SLC35F3: variants seen among roughly 807,000 people sequenced by gnomAD.
SLC35F3 encodes the protein solute carrier family 35 member F3, also known as putative thiamine transporter SLC35F3.
In SLC35F3, 25 loss-of-function variants were observed where a neutral mutation model predicts 49.9. That is an observed-to-expected ratio of 0.50 (90% CI 0.37 to 0.70). The LOEUF (loss-of-function observed/expected upper bound fraction) is 0.70. Ranked by LOEUF, SLC35F3 falls within the 30% of genes least tolerant of loss-of-function variation. The pLI, the probability that SLC35F3 is intolerant of heterozygous loss-of-function variation, is 0.00. For synonymous variants in SLC35F3, 275 were observed against 265.4 expected (o/e 1.04, Z -0.35); for missense variants, 525 against 639.8 (o/e 0.82, Z 1.94).
chr1:233,927,643 T>A (rs1330720469), intron 2 of SLC35F3, among the ~76,000 whole-genome samples: 4 of 152,084 alleles, frequency 2.6e-5, no homozygotes, highest in African/African-American at 9.7e-5. Context: ...TCAGAAGACA[T>A]TTTTGAACAC....
At chr1:234,031,221 C>T (rs192865898) in intron 2 of SLC35F3, among the ~76,000 whole-genome samples, 7 of 152,100 alleles carry the variant, frequency 4.6e-5, no homozygotes, top group Admixed American at 2.6e-4. Flanking sequence ...ATTCCACTCA[C>T]GTTCTCAATC....
chr1:234,222,634 C>A (rs1016134917), intron 2 of SLC35F3, among the ~76,000 whole-genome samples: 2 of 152,192 alleles, frequency 1.3e-5, no homozygotes, highest in African/African-American at 2.4e-5. Flanking sequence ...TGTCCCTCTT[C>A]CTCAAGAGCC....
chr1:233,939,288 CA>C (rs367635730), intron 2 of SLC35F3, among the ~76,000 whole-genome samples: 1 of 151,712 alleles, frequency 6.6e-6, no homozygotes, highest in Non-Finnish European at 1.5e-5. Context: ...CCTGTCTGTG[CA>C]AAAAAAATTT....
chr1:234,002,911 G>T lies in SLC35F3; in HGVS notation c.283+97153G>T, dbSNP rs1386452053. Among the ~76,000 whole-genome samples the T allele has an allele frequency of 2.0e-5, 3 of 152,000 alleles. No individual in the cohort carries two copies. In the South Asian group the frequency reaches 6.2e-4, roughly 32 times the overall value. On this transcript the variant is annotated intron_variant, in intron 2 of 7. Coordinates refer to ENST00000366618, the MANE Select transcript of SLC35F3 (RefSeq NM_173508.4). ...ACAACCTGACACTATTTATTTTCTT[G>T]TTTGCATTGTTCTGGATGTGCCTAC...
chr1:233,918,814 C>CTA (rs1274217735), intron 2 of SLC35F3, among the ~76,000 whole-genome samples: 14 of 60,096 alleles, frequency 2.3e-4, no homozygotes, highest in South Asian at 1.5e-3. Context: ...CTCTCTCTCT[C>CTA]TCTATATATA....
intron 3 of SLC35F3, among the ~76,000 whole-genome samples, chr1:234,249,514 TCATC>T (rs1667702509): frequency 6.6e-6 from 1 of 152,212 alleles, no homozygotes. Flanking sequence ...TTGCCCACCT[TCATC>T]CAAGTACCAA....
At chr1:234,291,461 G>A (rs1214860945) in intron 3 of SLC35F3, among the ~76,000 whole-genome samples, 2 of 152,150 alleles carry the variant, frequency 1.3e-5, no homozygotes, top group African/African-American at 2.4e-5. Flanking sequence ...GCACAGAGCT[G>A]CACTAGAGGA....
At chr1:234,003,987 T>C (rs1037096547) in intron 2 of SLC35F3, among the ~76,000 whole-genome samples, 8 of 152,134 alleles carry the variant, frequency 5.3e-5, no homozygotes, top group African/African-American at 1.2e-4. Flanking sequence ...GCAATACTTA[T>C]ATATGACTGA....
At chr1:234,181,339 A>G (rs1572084346) in intron 2 of SLC35F3, among the ~76,000 whole-genome samples, 5 of 16,164 alleles carry the variant, frequency 3.1e-4, no homozygotes, top group South Asian at 1.9e-3. Flanking sequence ...CTGTCTCAAG[A>G]AAAAAAAAAA....
In SLC35F3 at chr1:233,957,518, A is replaced by G. The variant is rs1218386172; in HGVS notation, c.283+51760A>G. 5.3e-5 allele frequency among the ~76,000 whole-genome samples: 8 copies of G among 152,188 alleles called. No homozygotes were observed. The highest frequency in any genetic ancestry group is 1.0e-4 in the Non-Finnish European group (7 of 68,022). ...CATAATTACATCAAAATTTAGTGGC[A>G]TAAATACAATAACTGGCTGTGTGTG... On this transcript the variant is annotated intron_variant, in intron 2 of 7. Coordinates refer to ENST00000366618, the MANE Select transcript of SLC35F3 (RefSeq NM_173508.4). This position sits in a 1 kb window ranked among gnomAD's most constrained non-coding sequence, Gnocchi z 4.0.
chr1:234,152,204 G>A (rs945655490), intron 2 of SLC35F3, among the ~76,000 whole-genome samples: 3 of 141,152 alleles, frequency 2.1e-5, no homozygotes, highest in Non-Finnish European at 4.5e-5. Flanking sequence ...AAAAGAAAAT[G>A]GAGTAACATT....
chr1:234,169,789 T>A (rs1156938458), intron 2 of SLC35F3, among the ~76,000 whole-genome samples: 1 of 152,060 alleles, frequency 6.6e-6, no homozygotes, highest in Non-Finnish European at 1.5e-5. Flanking sequence ...TGTTTTTGAG[T>A]TGGAGTCTCA....
chr1:233,940,093 A>G (rs1662396467), intron 2 of SLC35F3, among the ~76,000 whole-genome samples: 1 of 152,192 alleles, frequency 6.6e-6, no homozygotes, highest in Non-Finnish European at 1.5e-5. Context: ...ACTCAGTCAC[A>G]TACATTCACA....
In SLC35F3 at chr1:234,214,669, C is replaced by A. The variant is rs1395161931; in HGVS notation, c.284-16748C>A. ...GCTGTCTGGCTGCGGGGCGCCGGGG[C>A]TGGGGGTACTGCTCCCCCAGGACGC... On this transcript the variant is annotated intron_variant, in intron 2 of 7. Transcript: ENST00000366618. This position sits in a 1 kb window ranked among gnomAD's most constrained non-coding sequence, Gnocchi z 8.0. 1 of 1,413,778 alleles carries A rather than the reference C, an allele frequency of 7.1e-7. No individual in the cohort carries two copies. The highest frequency in any genetic ancestry group is 2.8e-5 in the Admixed American group (1 of 35,892). 87.6% of individuals were successfully genotyped at this position (1,413,778 alleles called of 1,614,324 possible). A position where few individuals can be genotyped will look rare whatever the true frequency, so the allele number is the denominator to read the frequency against.
chr1:234,115,893 T>C (rs10910342), intron 2 of SLC35F3, among the ~76,000 whole-genome samples: 94,313 of 151,992 alleles, frequency 0.62, 29,972 homozygotes, highest in East Asian at 0.83. Context: ...AACAGAAACC[T>C]GCAGGAACAA....
intron 2 of SLC35F3, among the ~76,000 whole-genome samples, chr1:234,019,021 A>C (rs1663851062): frequency 6.6e-6 from 1 of 152,236 alleles, no homozygotes; most frequent in African/African-American, 2.4e-5. Flanking sequence ...GGCCAGGCAC[A>C]TGTCCCAACC....
At chr1:234,081,076 C>T (rs890721523) in intron 2 of SLC35F3, among the ~76,000 whole-genome samples, 4 of 152,196 alleles carry the variant, frequency 2.6e-5, no homozygotes, top group African/African-American at 7.2e-5. Context: ...TTCCTACTGC[C>T]ATATATTCAA....
intron 3 of SLC35F3, among the ~76,000 whole-genome samples, chr1:234,266,484 A>T (rs1191088368): frequency 1.3e-5 from 2 of 152,214 alleles, no homozygotes; most frequent in East Asian, 3.8e-4. Context: ...TAGAAGGATA[A>T]ATATTTACTA....
rs183856741 is a variant in SLC35F3, at chr1:234,124,854, A to G, written c.284-106563A>G. Among the ~76,000 whole-genome samples, 615 of 102,754 alleles carry G rather than the reference A, an allele frequency of 6.0e-3. 7 individuals carry two copies. The highest frequency in any genetic ancestry group is 0.016 in the African/African-American group (578 of 36,714). The allele number at this position is 102,754 out of a possible 152,430, so 67.4% of individuals were successfully genotyped here. On this transcript the variant is annotated intron_variant, in intron 2 of 7. Transcript: ENST00000366618. ...GAAAGACTCCATCTCTTTAAAAACA[A>G]GAGAGAAATTGTGAATTCCAAGATT... is the stretch of plus-strand genomic sequence containing the variant.
Sources: gnomAD v4.1 joint callset for allele counts (sites outside exome capture counted in the v4.1 genomes callset) on GRCh38, gnomAD v4.1.1 for gene constraint, Gnocchi (gnomAD v3.1) non-coding constraint, MANE v1.5 for transcripts, NCBI Gene and HGNC (gene_info 2026-07-23, HGNC 2026-07-21) for gene names.